The following PAWR variants were observed in gnomAD, a reference collection of about 807,000 sequenced individuals.
The protein encoded by PAWR is PRKC apoptosis WT1 regulator protein.
PAWR carries 23 observed loss-of-function variants against 32.0 expected under a neutral mutation model. That is an observed-to-expected ratio of 0.72 (90% CI 0.52 to 1.02). The LOEUF (loss-of-function observed/expected upper bound fraction) is 1.02. PAWR is among the 50% of genes least tolerant of loss of function. PAWR has a pLI of 0.00. For missense variants in PAWR, 457 were observed against 437.7 expected, an observed-to-expected ratio of 1.04 and a Z score of -0.39; for synonymous variants, 226 against 187.1, an observed-to-expected ratio of 1.21 and a Z score of -1.70.
intron 2 of PAWR, among the ~76,000 whole-genome samples, chr12:79,669,736 T>G (rs942150490): frequency 1.3e-5 from 2 of 152,108 alleles, no homozygotes; most frequent in Non-Finnish European, 2.9e-5. Context: ...TTTTGTTTGT[T>G]GGGTTTGTTT....
intron 2 of PAWR, among the ~76,000 whole-genome samples, chr12:79,642,688 A>G (rs1216241688): frequency 6.6e-6 from 1 of 152,180 alleles, no homozygotes; most frequent in Non-Finnish European, 1.5e-5. Context: ...ACCTACTTAG[A>G]GGTCATATCT....
At chr12:79,663,020 T>C (rs1877422440) in intron 2 of PAWR, among the ~76,000 whole-genome samples, 1 of 152,200 alleles carries the variant, frequency 6.6e-6, no homozygotes, top group South Asian at 2.1e-4. Context: ...AGATAGGCAG[T>C]TCAATCTCCA....
At chr12:79,611,921 CTAAT>C (rs1435474213) in intron 4 of PAWR, among the ~76,000 whole-genome samples, 10 of 152,124 alleles carry the variant, frequency 6.6e-5, no homozygotes, top group Admixed American at 2.0e-4. Context: ...CCTCTTGATT[CTAAT>C]TAAAGAACAC....
intron 2 of PAWR, among the ~76,000 whole-genome samples, chr12:79,643,595 A>C (rs903112678): frequency 5.9e-5 from 9 of 152,138 alleles, no homozygotes; most frequent in African/African-American, 2.2e-4. Context: ...ATTTTTACAG[A>C]AGTTCCTCCT....
chr12:79,640,423 G>A (rs1876264167), intron 2 of PAWR, among the ~76,000 whole-genome samples: 1 of 152,122 alleles, frequency 6.6e-6, no homozygotes, highest in Non-Finnish European at 1.5e-5. Flanking sequence ...GACCAAGAAA[G>A]ACTCTGTCTT....
intron 3 of PAWR, among the ~76,000 whole-genome samples, 178 bp downstream of exon 3, chr12:79,620,898 A>C (rs532333040): frequency 6.6e-6 from 1 of 152,138 alleles, no homozygotes; most frequent in African/African-American, 2.4e-5. Flanking sequence ...GGGTGAAGAG[A>C]GTGTTCATGC....
intron 2 of PAWR, among the ~76,000 whole-genome samples, chr12:79,631,169 A>C (rs1224117049): frequency 1.3e-5 from 2 of 152,176 alleles, no homozygotes; most frequent in East Asian, 3.9e-4. Context: ...AATAGCCTTA[A>C]TCTGATCAGA....
rs780563340 is a variant in PAWR, at chr12:79,621,149, G to T, written c.575C>A (p.Ala192Glu). ...CTGAATAGTGTTCTGTTGTGTAATT[G>T]CATCTTCTCGTTTCCGCTCTTTCTG... ...AGQKERKRED[A>E]ITQQNTIQNE... Residue 192 changes from alanine (A) to glutamate (E), a missense_variant, in exon 3 of 7, where the codon GCA becomes GAA. Coordinates refer to ENST00000328827, the MANE Select transcript of PAWR (RefSeq NM_002583.4). 6.2e-7 allele frequency: 1 copy of T among 1,609,540 alleles called. No individual in the cohort carries two copies. The highest frequency in any genetic ancestry group is 8.5e-7 in the Non-Finnish European group (1 of 1,176,962).
chr12:79,613,634 T>C lies in PAWR; in HGVS notation c.649-25A>G, dbSNP rs769683435. Reference sequence around the variant, plus strand: ...CCTGCAAAGTAAAAATAATTATGTATCAGTTTGAGTATGTATGTACACAAT... The same window carrying C: ...CCTGCAAAGTAAAAATAATTATGTACCAGTTTGAGTATGTATGTACACAAT... On this transcript the variant is annotated intron_variant, in intron 3 of 6. Transcript: ENST00000328827. 2.8e-6 allele frequency: 4 copies of C among 1,403,950 alleles called. No homozygotes were observed. The South Asian group carries it at 3.7e-5, about 13-fold the overall frequency. 87.0% of individuals were successfully genotyped at this position (1,403,950 alleles called of 1,614,324 possible).
In PAWR at chr12:79,639,881, T is replaced by TATTCCTATTCCTATTCCTATTCCATTCC; in HGVS notation, c.517-18675_517-18674insGGAATGGAATAGGAATAGGAATAGGAAT. ...CTATTCCTATTCCTATTCCTATTCCTATTCCATTCCATTCCATTCCATTCC... is the reference window on the plus strand; with the variant it reads ...CTATTCCTATTCCTATTCCTATTCCTATTCCTATTCCTATTCCTATTCCATTCCATTCCATTCCATTCCATTCCATTCC... On this transcript the variant is annotated intron_variant, in intron 2 of 6. Coordinates refer to ENST00000328827, the MANE Select transcript of PAWR (RefSeq NM_002583.4). Among the ~76,000 whole-genome samples, 53 of 112,526 alleles carry TATTCCTATTCCTATTCCTATTCCATTCC rather than the reference T, an allele frequency of 4.7e-4. 2 individuals carry two copies. Among genetic ancestry groups the TATTCCTATTCCTATTCCTATTCCATTCC allele is most frequent in the Middle Eastern group, 5.2e-3 (1 of 194 alleles). The allele number at this position is 112,526 out of a possible 152,430, so 73.8% of individuals were successfully genotyped here. A position where few individuals can be genotyped will look rare whatever the true frequency, so the allele number is the denominator to read the frequency against.
intron 2 of PAWR, among the ~76,000 whole-genome samples, chr12:79,683,952 T>C (rs1393334014): frequency 6.6e-6 from 1 of 152,182 alleles, no homozygotes; most frequent in Non-Finnish European, 1.5e-5. Flanking sequence ...TTAAATTATT[T>C]TAAGTTAATG....
At chr12:79,594,463 A>ACTTCCTAATTACT in intron 5 of PAWR, 30 bp from the exon 6 acceptor site, 2 of 1,037,536 alleles carry the variant, frequency 1.9e-6, no homozygotes, top group Non-Finnish European at 2.9e-6. Flanking sequence ...ACCAGTAATT[A>ACTTCCTAATTACT]GGAAGTAATT....
intron 2 of PAWR, among the ~76,000 whole-genome samples, chr12:79,671,482 AG>A (rs1877897432): frequency 6.6e-6 from 1 of 152,206 alleles, no homozygotes; most frequent in African/African-American, 2.4e-5. Context: ...CATCAAACTG[AG>A]GCCATTCCCA....
At chr12:79,678,032 A>G (rs184861335) in intron 2 of PAWR, among the ~76,000 whole-genome samples, 1 of 152,322 alleles carries the variant, frequency 6.6e-6, no homozygotes, top group Admixed American at 6.5e-5. Flanking sequence ...TATTTTTGTC[A>G]TCAAAAGAAA....
At chr12:79,605,668 G>A (rs1326482485) in intron 4 of PAWR, among the ~76,000 whole-genome samples, 1 of 152,080 alleles carries the variant, frequency 6.6e-6, no homozygotes, top group Non-Finnish European at 1.5e-5. Flanking sequence ...AAAGTGTAAA[G>A]AATCTAACAT....
chr12:79,682,967 C>A (rs1442943729), intron 2 of PAWR, among the ~76,000 whole-genome samples: 1 of 152,144 alleles, frequency 6.6e-6, no homozygotes, highest in Non-Finnish European at 1.5e-5. Flanking sequence ...CATTTATAAA[C>A]ACAAGTATAT....
chr12:79,626,411 C>G (rs894871630), intron 2 of PAWR, among the ~76,000 whole-genome samples: 10 of 149,702 alleles, frequency 6.7e-5, no homozygotes, highest in Non-Finnish European at 1.0e-4. Context: ...AGGCGCCCAC[C>G]ACCACGCCCG....
At chr12:79,597,506 C>T (rs945580004) in intron 4 of PAWR, among the ~76,000 whole-genome samples, 1 of 151,952 alleles carries the variant, frequency 6.6e-6, no homozygotes, top group Non-Finnish European at 1.5e-5. Context: ...AAATACAAGT[C>T]CAAATGTTTT....
At chr12:79,677,333 T>C (rs1263472085) in intron 2 of PAWR, among the ~76,000 whole-genome samples, 1 of 152,150 alleles carries the variant, frequency 6.6e-6, no homozygotes, top group Non-Finnish European at 1.5e-5. Context: ...CTTCAAATAA[T>C]TGTATTCCAA....
Sources: allele counts gnomAD v4.1 joint callset (sites outside exome capture counted in the v4.1 genomes callset), GRCh38; gene constraint gnomAD v4.1.1; transcripts MANE v1.5; gene names NCBI Gene and HGNC (gene_info 2026-07-23, HGNC 2026-07-21).